Variants in GPHN observed in about 807,000 individuals in gnomAD.
The protein encoded by GPHN is gephyrin.
GPHN carries 17 observed loss-of-function variants against 95.5 expected under a neutral mutation model. The ratio of observed to expected loss-of-function variants is 0.18; its 90% confidence interval spans 0.12 to 0.27. The LOEUF (loss-of-function observed/expected upper bound fraction) is 0.27, where lower values mean the gene tolerates loss of function less well. Among genes scored for constraint, GPHN ranks in the 10% least tolerant of loss-of-function variants. The pLI, the probability that GPHN is intolerant of heterozygous loss-of-function variation, is 1.00. For synonymous variants in GPHN, 320 were observed against 322.5 expected (o/e 0.99, Z 0.08); for missense variants, 660 against 978.1 (o/e 0.67, Z 4.34).
At chr14:67,183,924 C>G (rs1394132366), downstream of GPHN, among the ~76,000 whole-genome samples, 11 of 151,956 alleles carry the variant, frequency 7.2e-5, no homozygotes, top group Admixed American at 5.3e-4. Context: ...ATGATCTCAA[C>G]TCACTGCAGC....
At chr14:67,331,855 C>T in the GPHN span, among the ~76,000 whole-genome samples, 2 of 152,056 alleles carry the variant, frequency 1.3e-5, no homozygotes, top group African/African-American at 4.8e-5. Flanking sequence ...TCAGTGTGTT[C>T]AGTTACAGTG....
At chr14:67,587,137 C>T in the GPHN span, 65 of 1,613,826 alleles carry the variant, frequency 4.0e-5, no homozygotes, top group East Asian at 2.0e-4. Flanking sequence ...TGTGAACCCC[C>T]CCACCAACCC....
the GPHN span, chr14:67,616,889 TTCGAGATGGGG>T: frequency 6.6e-6 from 1 of 152,154 alleles, no homozygotes; most frequent in African/African-American, 2.4e-5. Context: ...ATTTATTTTT[TTCGAGATGGGG>T]TCCTCACTCT....
At chr14:66,530,327 C>T (rs2058865989) in intron 1 of GPHN, among the ~76,000 whole-genome samples, 2 of 152,132 alleles carry the variant, frequency 1.3e-5, no homozygotes, top group Admixed American at 6.5e-5. Context: ...TGGTCAACTT[C>T]AGACTGCTGT....
rs116566854 is a variant in GPHN, at chr14:67,158,844, T to C, written c.1837-571T>C. On this transcript the variant is annotated intron_variant, in intron 18 of 22. Transcript: ENST00000478722. ...ACTTTCTGTTTTAGAGTTCCTTTCC[T>C]GTTTTTCATTTTAGTTGAGCTATTT... Among the ~76,000 whole-genome samples the C allele has an allele frequency of 7.1e-3, 1,078 of 152,328 alleles. 4 individuals are homozygous for C. Among genetic ancestry groups the C allele is most frequent in the African/African-American group, 0.025 (1,029 of 41,576 alleles).
intron 17 of GPHN, among the ~76,000 whole-genome samples, chr14:67,126,548 A>T (rs2079329360): frequency 6.6e-6 from 1 of 152,250 alleles, no homozygotes; most frequent in East Asian, 1.9e-4. Context: ...GAAATGAACA[A>T]GAGATTCAGG....
At chr14:67,332,837 C>CACT in the GPHN span, 1 of 1,613,882 alleles carries the variant, frequency 6.2e-7, no homozygotes, top group African/African-American at 1.3e-5. Context: ...GAACAATGGC[C>CACT]ACTACTTTGA....
the GPHN span, among the ~76,000 whole-genome samples, chr14:67,307,274 G>T: frequency 6.6e-6 from 1 of 151,568 alleles, no homozygotes; most frequent in Non-Finnish European, 1.5e-5. Flanking sequence ...GGATTTCCCA[G>T]ACTAGTTTGT....
At chr14:66,735,021 G>A (rs1310108825) in intron 2 of GPHN, among the ~76,000 whole-genome samples, 1 of 152,158 alleles carries the variant, frequency 6.6e-6, no homozygotes, top group African/African-American at 2.4e-5. Flanking sequence ...TCTAAATGGA[G>A]TAAGTAATTG....
chr14:67,162,637 T>C (rs927771212), intron 19 of GPHN, among the ~76,000 whole-genome samples: 6 of 152,202 alleles, frequency 3.9e-5, no homozygotes, highest in African/African-American at 1.4e-4. Flanking sequence ...ATTATTTGCA[T>C]CACACACTAA....
chr14:67,163,652 T>A (rs2082092057), intron 19 of GPHN, among the ~76,000 whole-genome samples: 1 of 152,110 alleles, frequency 6.6e-6, no homozygotes, highest in African/African-American at 2.4e-5. Flanking sequence ...TGTCACTGTA[T>A]TATTGCAAAA....
intron 17 of GPHN, among the ~76,000 whole-genome samples, chr14:67,134,778 A>G (rs544359137): frequency 6.6e-6 from 1 of 151,114 alleles, no homozygotes; most frequent in East Asian, 1.9e-4. Flanking sequence ...TTTTTTGCTT[A>G]TTTACATTTG....
chr14:67,218,793 G>A, the GPHN span, among the ~76,000 whole-genome samples: 10 of 151,976 alleles, frequency 6.6e-5, no homozygotes, highest in African/African-American at 2.4e-4. Context: ...TCTCATTTGA[G>A]GGTGTGTATG....
At chr14:66,671,251 G>C (rs1166986226) in intron 1 of GPHN, among the ~76,000 whole-genome samples, 1 of 152,176 alleles carries the variant, frequency 6.6e-6, no homozygotes. Context: ...CTTTGAGCGT[G>C]TCATTGCATT....
At chr14:67,611,974 G>T in the GPHN span, among the ~76,000 whole-genome samples, 2 of 152,110 alleles carry the variant, frequency 1.3e-5, no homozygotes, top group African/African-American at 2.4e-5. Context: ...AGATCATCAG[G>T]CATTAAATTC....
At chr14:67,317,824 G>A in the GPHN span, among the ~76,000 whole-genome samples, 1 of 152,164 alleles carries the variant, frequency 6.6e-6, no homozygotes, top group African/African-American at 2.4e-5. Context: ...ACTCATTCCT[G>A]AGAACCCACT....
chr14:66,845,610 A>C (rs1301931584), intron 4 of GPHN, among the ~76,000 whole-genome samples: 3 of 152,176 alleles, frequency 2.0e-5, no homozygotes, highest in Non-Finnish European at 4.4e-5. Context: ...GGTTTAAATG[A>C]AGATGACTAA....
At chr14:66,904,896 G>A (rs2153550834) in intron 5 of GPHN, among the ~76,000 whole-genome samples, 2 of 152,242 alleles carry the variant, frequency 1.3e-5, no homozygotes, top group Middle Eastern at 3.4e-3. Flanking sequence ...ATGCCTTGGA[G>A]TAGTCTTATT....
the GPHN span, chr14:67,302,379 A>G: frequency 7.5e-7 from 1 of 1,329,078 alleles, no homozygotes; most frequent in Admixed American, 3.1e-5. Flanking sequence ...TATTATTTTT[A>G]TTTTTAAATT....
Sources: allele counts gnomAD v4.1 joint callset (sites outside exome capture counted in the v4.1 genomes callset), GRCh38; gene constraint gnomAD v4.1.1; transcripts MANE v1.5; gene names NCBI Gene and HGNC (gene_info 2026-07-23, HGNC 2026-07-21).